ARL5A: variants seen among roughly 807,000 people sequenced by gnomAD.
ARL5A encodes the protein ARF like GTPase 5A.
In ARL5A, 18 loss-of-function variants were observed where a neutral mutation model predicts 25.9. That is an observed-to-expected ratio of 0.69 (90% CI 0.48 to 1.03). The LOEUF is 1.03. ARL5A is among the 50% of genes least tolerant of loss of function. The probability of loss-of-function intolerance (pLI) is 0.00; values close to 1 mark genes in which losing one functional copy is unlikely to be tolerated. For missense variants in ARL5A, 170 were observed against 211.9 expected, an observed-to-expected ratio of 0.80 and a Z score of 1.23; for synonymous variants, 61 against 67.5, an observed-to-expected ratio of 0.90 and a Z score of 0.47.
At chr2:151,816,707 AAG>A (rs1271775601) in intron 1 of ARL5A, among the ~76,000 whole-genome samples, 1 of 152,208 alleles carries the variant, frequency 6.6e-6, no homozygotes, top group African/African-American at 2.4e-5. Flanking sequence ...AGCCCAGAAA[AAG>A]ATAAAAATTT....
At position 151,801,439 on chromosome 2, in the gene ARL5A, T is replaced by C. The variant is rs2099829402; in HGVS notation, c.*1837A>G. On this transcript the variant is annotated 3_prime_UTR_variant, in exon 6 of 6. Coordinates refer to ENST00000295087, the MANE Select transcript of ARL5A (RefSeq NM_012097.4). ...TAATATTTGTCTGGCGAAACCATAA[T>C]ACAGATTTGGGTAAAGGAGATTTTT... is the stretch of plus-strand genomic sequence containing the variant. 1 of 152,144 alleles carries C rather than the reference T, an allele frequency of 6.6e-6. No homozygotes were observed. The highest frequency in any genetic ancestry group is 2.1e-4 in the South Asian group (1 of 4,832). 9.4% of individuals were successfully genotyped at this position (152,144 alleles called of 1,614,324 possible).
At chr2:151,803,656 T>TG (rs1455804029) in intron 5 of ARL5A, among the ~76,000 whole-genome samples, 2 of 152,180 alleles carry the variant, frequency 1.3e-5, no homozygotes, top group African/African-American at 4.8e-5. Context: ...TACAGGCGTG[T>TG]GCCACCACAC....
chr2:151,803,362 C>T, intron 5 of ARL5A, 38 bp from the exon 6 acceptor site: 2 of 1,516,594 alleles, frequency 1.3e-6, no homozygotes, highest in Non-Finnish European at 1.8e-6. Context: ...AAATTCTGAA[C>T]TAAGAAGCTA....
rs1261707965 is a variant in ARL5A, at chr2:151,800,108, A to T, written c.*3168T>A. ...CCGATGATGTGGTATTATCTCCTGT[A>T]TACAAAGCAGAGCCTATTACACGTA... On this transcript the variant is annotated 3_prime_UTR_variant, in exon 6 of 6. Coordinates refer to ENST00000295087, the MANE Select transcript of ARL5A (RefSeq NM_012097.4). 1 of 152,230 alleles carries T rather than the reference A, an allele frequency of 6.6e-6. No homozygotes were observed. Among genetic ancestry groups the T allele is most frequent in the African/African-American group, 2.4e-5 (1 of 41,458 alleles). 9.4% of individuals were successfully genotyped at this position (152,230 alleles called of 1,614,324 possible). A position where few individuals can be genotyped will look rare whatever the true frequency, so the allele number is the denominator to read the frequency against.
Position 151,824,930 on chromosome 2 carries a change from T to C in ARL5A, c.46+3201A>G, listed in dbSNP as rs888724645. On this transcript the variant is annotated intron_variant, in intron 1 of 5. Transcript: ENST00000295087. ...CCGTACCCCTGTAAAATAAGGGGAA[T>C]AATATCTACCTTGTAGGGTTGTTGT... Among the ~76,000 whole-genome samples, 79 of 152,242 alleles carry C rather than the reference T, an allele frequency of 5.2e-4. 5 individuals are homozygous for C. Among genetic ancestry groups the C allele is most frequent in the Non-Finnish European group, 5.9e-5 (4 of 68,038 alleles).
At chr2:151,825,330 C>G (rs1269548806) in intron 1 of ARL5A, among the ~76,000 whole-genome samples, 1 of 152,134 alleles carries the variant, frequency 6.6e-6, no homozygotes, top group Non-Finnish European at 1.5e-5. Context: ...TCAATCTCTT[C>G]TTTAAGAGAT....
intron 1 of ARL5A, among the ~76,000 whole-genome samples, chr2:151,817,148 A>G (rs932148248): frequency 8.1e-4 from 123 of 152,350 alleles, no homozygotes; most frequent in African/African-American, 2.9e-3. Context: ...TCATGGTATC[A>G]CTAAATGTCG....
At position 151,823,637 on chromosome 2, in the gene ARL5A, C is replaced by G. The variant is rs1446877230; in HGVS notation, c.46+4494G>C. On this transcript the variant is annotated intron_variant, in intron 1 of 5. Coordinates refer to ENST00000295087, the MANE Select transcript of ARL5A (RefSeq NM_012097.4). ...TAGGGTTGAGATAAAGGTCCTCCCC[C>G]TCCCTCCAGACTTAAGATGCAGATC... 2.0e-5 allele frequency among the ~76,000 whole-genome samples: 3 copies of G among 152,312 alleles called. No individual in the cohort carries two copies. In the East Asian group the frequency reaches 5.8e-4, roughly 29 times the overall value.
At chr2:151,804,505 T>C (rs547058859) in intron 5 of ARL5A, among the ~76,000 whole-genome samples, 4 of 152,276 alleles carry the variant, frequency 2.6e-5, no homozygotes, top group African/African-American at 7.2e-5. Flanking sequence ...AGAAAAAAGA[T>C]GGCAATGAGG....
chr2:151,815,083 C>T (rs1197191408), intron 2 of ARL5A, 56 bp downstream of exon 2: 1 of 1,356,134 alleles, frequency 7.4e-7, no homozygotes, highest in Non-Finnish European at 1.0e-6. Context: ...TCGACTATCA[C>T]CCAGGCCAAA....
intron 4 of ARL5A, 26 bp downstream of exon 4, chr2:151,812,331 C>T (rs745773568): frequency 6.1e-6 from 9 of 1,478,032 alleles, no homozygotes; most frequent in African/African-American, 2.8e-5. Flanking sequence ...TTCCCCATAT[C>T]TAATGTAAAA....
chr2:151,804,825 T>C (rs1336444266), intron 5 of ARL5A, among the ~76,000 whole-genome samples: 1 of 152,162 alleles, frequency 6.6e-6, no homozygotes, highest in Admixed American at 6.5e-5. Context: ...AAGTTTGTGA[T>C]CTCCAATCCA....
chr2:151,807,942 A>G lies in ARL5A; in HGVS notation c.340-970T>C, dbSNP rs531231915. On this transcript the variant is annotated intron_variant, in intron 4 of 5. Transcript: ENST00000295087. ...TAACTGGTATAATGTTTTACTCACT[A>G]AACAGGCCAAAAGTTCTTAGTCTCT... 4.6e-5 allele frequency among the ~76,000 whole-genome samples: 7 copies of G among 152,254 alleles called. No individual in the cohort carries two copies. In the South Asian group the frequency reaches 1.5e-3, roughly 32 times the overall value.
Position 151,812,428 on chromosome 2 carries a change from C to T in ARL5A, c.268G>A (p.Val90Ile), listed in dbSNP as rs1231397393. The change falls in exon 4 of 6, where the codon GTT becomes ATT. Residue 90 changes from valine (V) to isoleucine (I), a missense_variant. Physicochemically the swap from Val to Ile is conservative, Grantham distance 29. Transcript: ENST00000295087. ...YYTNTEFVIV[V>I]VDSTDRERIS... The stretch of plus-strand genomic sequence containing the variant: ...CTCTCTCTGTCTGTACTGTCCACAA[C>T]AACTATTACAAACTAAAATAATTAC... 6.3e-7 allele frequency: 1 copy of T among 1,578,942 alleles called. No homozygotes were observed. The highest frequency in any genetic ancestry group is 8.6e-7 in the Non-Finnish European group (1 of 1,167,240).
At position 151,815,214 on chromosome 2, in the gene ARL5A, A is replaced by C. The variant is rs1249694153; in HGVS notation, c.47-15T>G. On this transcript the variant is annotated splice_polypyrimidine_tract_variant and intron_variant, in intron 1 of 5. Coordinates refer to ENST00000295087, the MANE Select transcript of ARL5A (RefSeq NM_012097.4). ...AACTTTGTGCTCTGAAATAGAGAAA[A>C]CACCAGTGATTTTTTTTCAAAAAAG... 2 of 1,577,500 alleles carry C rather than the reference A, an allele frequency of 1.3e-6. No homozygotes were observed. Among genetic ancestry groups the C allele is most frequent in the African/African-American group, 1.5e-5 (1 of 68,462 alleles).
chr2:151,816,245 G>A lies in ARL5A; in HGVS notation c.47-1046C>T, dbSNP rs370952019. Among the ~76,000 whole-genome samples the A allele has an allele frequency of 6.6e-5, 10 of 152,280 alleles. No homozygotes were observed. The East Asian group carries it at 1.5e-3, about 23-fold the overall frequency. The stretch of plus-strand genomic sequence containing the variant: ...GTTGATCATGTGGTGAGACCCTGTT[G>A]AAAGGGATGACCAGTCAGCCCCTAT... On this transcript the variant is annotated intron_variant, in intron 1 of 5. Transcript: ENST00000295087.
At chr2:151,822,099 C>T (rs1324172602) in intron 1 of ARL5A, among the ~76,000 whole-genome samples, 1 of 152,118 alleles carries the variant, frequency 6.6e-6, no homozygotes, top group Non-Finnish European at 1.5e-5. Context: ...CCACCTGCCT[C>T]GGCCTGCCAA....
At chr2:151,817,188 T>C (rs1002604358) in intron 1 of ARL5A, among the ~76,000 whole-genome samples, 2 of 152,244 alleles carry the variant, frequency 1.3e-5, no homozygotes, top group Non-Finnish European at 1.5e-5. Flanking sequence ...TTTAGGGAAT[T>C]AGACCAATCC....
intron 1 of ARL5A, among the ~76,000 whole-genome samples, chr2:151,824,328 C>T (rs770312238): frequency 1.3e-5 from 2 of 152,166 alleles, no homozygotes; most frequent in South Asian, 4.1e-4. Flanking sequence ...ATATTAAACT[C>T]ATTTTTTACT....
Sources: gnomAD v4.1 joint callset for allele counts (sites outside exome capture counted in the v4.1 genomes callset) on GRCh38, gnomAD v4.1.1 for gene constraint, MANE v1.5 for transcripts, NCBI Gene and HGNC (gene_info 2026-07-23, HGNC 2026-07-21) for gene names.